The following MEIOB variants were observed in gnomAD, a reference collection of about 807,000 sequenced individuals.
The protein encoded by MEIOB is meiosis-specific with OB domain-containing protein.
A neutral mutation model predicts 53.1 loss-of-function variants in MEIOB; 50 were observed. The observed-to-expected ratio is 0.94, with a 90% CI of 0.75 to 1.19. The LOEUF (loss-of-function observed/expected upper bound fraction) is 1.19. Among genes scored for constraint, MEIOB ranks in the 50% most tolerant of loss-of-function variants. The pLI, the probability that MEIOB is intolerant of heterozygous loss-of-function variation, is 0.00. For missense variants in MEIOB, 551 were observed against 550.8 expected (o/e 1.00, Z 0.00); for synonymous variants, 192 against 182.5 (o/e 1.05, Z -0.42).
At chr16:1,860,014 C>G (rs7202283) in intron 5 of MEIOB, among the ~76,000 whole-genome samples, 18,207 of 152,244 alleles carry the variant, frequency 0.12, 1,136 homozygotes, top group East Asian at 0.16. Flanking sequence ...CCAACCACTC[C>G]CACAAGAGTC....
At chr16:1,858,629 A>T (rs975236505) in intron 5 of MEIOB, among the ~76,000 whole-genome samples, 2 of 152,146 alleles carry the variant, frequency 1.3e-5, no homozygotes, top group African/African-American at 4.8e-5. Flanking sequence ...CAGCTCAAAG[A>T]CCATCATTGT....
At chr16:1,865,884 T>C (rs1338685067) in intron 2 of MEIOB, 49 bp from the exon 3 acceptor site, 1 of 1,300,256 alleles carries the variant, frequency 7.7e-7, no homozygotes. Context: ...ACAGATGTAC[T>C]TGATAAATTT....
In MEIOB at chr16:1,868,180, T is replaced by C. The variant is rs1899642212; in HGVS notation, c.-5A>G. ...CGCTGCAAAGGAGTTTGCCATTTTT[T>C]TAATCTGCATTTTAGAAAATATAAT... On this transcript the variant is annotated 5_prime_UTR_variant, in exon 2 of 14. Transcript: ENST00000325962. The C allele has an allele frequency of 6.7e-7, 1 of 1,484,180 alleles. No homozygotes were observed. The highest frequency in any genetic ancestry group is 9.2e-7 in the Non-Finnish European group (1 of 1,091,576). The allele number at this position is 1,484,180 out of a possible 1,614,324, so 91.9% of individuals were successfully genotyped here.
intron 3 of MEIOB, among the ~76,000 whole-genome samples, chr16:1,863,371 T>TTA (rs1899501620): frequency 6.6e-6 from 1 of 151,372 alleles, no homozygotes; most frequent in African/African-American, 2.4e-5. Context: ...GTTTTTTTTT[T>TTA]AGTAAAAACG....
rs187202984 is a variant in MEIOB at position 1,868,529 on chromosome 16, A to G, written c.-9-345T>C. 3.0e-5 allele frequency among the ~76,000 whole-genome samples: 3 copies of G among 101,664 alleles called. No homozygotes were observed. In the East Asian group the frequency reaches 8.5e-4, roughly 29 times the overall value. The allele number at this position is 101,664 out of a possible 152,430, so 66.7% of individuals were successfully genotyped here. ...GGCAACAGAGCGAGACTCTGTCTCA[A>G]AAATAAATAAAACAAAATAAAATAA... On this transcript the variant is annotated intron_variant, in intron 1 of 13. Transcript: ENST00000325962.
chr16:1,865,972 G>C (rs1899584382), intron 2 of MEIOB, 137 bp from the exon 3 acceptor site: 1 of 598,570 alleles, frequency 1.7e-6, no homozygotes, highest in African/African-American at 1.9e-5. Flanking sequence ...ATTTATTCCA[G>C]GCAAACATCT....
In MEIOB at chr16:1,839,261, G is replaced by A; in HGVS notation, c.1212C>T (p.Gly404=). ...LTGSVAEETL[G]CTVHEFLAMT... Reference sequence around the variant, plus strand: ...CTTCCTTTTTGCTATTTACCGTGCAGCCCAAAGTCTCCTCAGCAACACTTC... The same window carrying A: ...CTTCCTTTTTGCTATTTACCGTGCAACCCAAAGTCTCCTCAGCAACACTTC... Residue 404 remains glycine (G), a synonymous_variant, in exon 12 of 14, where the codon GGC becomes GGT. Coordinates refer to ENST00000325962, the MANE Select transcript of MEIOB (RefSeq NM_001163560.3). The A allele has an allele frequency of 6.2e-7, 1 of 1,605,118 alleles. No homozygotes were observed.
intron 2 of MEIOB, among the ~76,000 whole-genome samples, chr16:1,866,207 A>T (rs1899589365): frequency 6.6e-6 from 1 of 152,212 alleles, no homozygotes; most frequent in Non-Finnish European, 1.5e-5. Flanking sequence ...GCTTTCCTTT[A>T]TATAGGGTTT....
rs773793662 is a variant in MEIOB at position 1,844,916 on chromosome 16, C to A, written c.826G>T (p.Glu276Ter). ...ATTTCATCATCCAGAACATTCGTTT[C>A]TTTATTTTCTCGTATAAAATTCAGC... ...ILLNFIRENK[E>*]TNVLDDEIDS... The change falls in exon 10 of 14, where the codon GAA (glutamate) becomes TAA (stop). Residue 276 changes from glutamate (E) to a stop codon, truncating the protein, a stop_gained. Transcript: ENST00000325962. LOFTEE classifies it high-confidence loss of function. The A allele has an allele frequency of 1.2e-5, 19 of 1,554,002 alleles. No individual in the cohort carries two copies. The highest frequency in any genetic ancestry group is 4.1e-5 in the African/African-American group (3 of 73,528).
At chr16:1,869,592 C>T (rs1160610140) in intron 1 of MEIOB, among the ~76,000 whole-genome samples, 1 of 151,920 alleles carries the variant, frequency 6.6e-6, no homozygotes, top group Non-Finnish European at 1.5e-5. Context: ...GGATTACAGG[C>T]ACCTGCCACC....
intron 3 of MEIOB, among the ~76,000 whole-genome samples, 195 bp downstream of exon 3, chr16:1,865,583 A>G (rs1899573515): frequency 6.6e-6 from 1 of 151,914 alleles, no homozygotes; most frequent in African/African-American, 2.4e-5. Flanking sequence ...ACATATATAT[A>G]GAGAGAGAGA....
At chr16:1,859,145 G>A (rs1236159106) in intron 5 of MEIOB, among the ~76,000 whole-genome samples, 1 of 152,214 alleles carries the variant, frequency 6.6e-6, no homozygotes, top group Non-Finnish European at 1.5e-5. Context: ...CAGAGTAGAT[G>A]GGGAAGGTTG....
chr16:1,848,743 C>G (rs1306553179), intron 9 of MEIOB, among the ~76,000 whole-genome samples: 1 of 151,930 alleles, frequency 6.6e-6, no homozygotes, highest in Admixed American at 6.6e-5. Flanking sequence ...GATATTTCAC[C>G]ATGTTGACCG....
At position 1,849,055 on chromosome 16, in the gene MEIOB, C is replaced by T. The variant is rs1899094888; in HGVS notation, c.778+3984G>A. On this transcript the variant is annotated intron_variant, in intron 9 of 13. Coordinates refer to ENST00000325962, the MANE Select transcript of MEIOB (RefSeq NM_001163560.3). The stretch of plus-strand genomic sequence containing the variant: ...ATCCCAGCACTTTGGGAGGCCAAGA[C>T]CAGTGGATCACTTGAGCCCAGCAGT... Among the ~76,000 whole-genome samples the T allele has an allele frequency of 3.9e-5, 6 of 152,086 alleles. 1 individual carries two copies. In the South Asian group the frequency reaches 1.2e-3, roughly 32 times the overall value.
intron 7 of MEIOB, 109 bp downstream of exon 7, chr16:1,853,991 C>T: frequency 1.5e-6 from 1 of 685,846 alleles, no homozygotes; most frequent in South Asian, 1.8e-5. Flanking sequence ...CATTCATCTC[C>T]TATCATTATC....
chr16:1,850,980 C>T (rs553746651), intron 9 of MEIOB, among the ~76,000 whole-genome samples: 2 of 152,018 alleles, frequency 1.3e-5, no homozygotes, highest in Admixed American at 1.3e-4. Flanking sequence ...TACCTCCCTC[C>T]AGGAAAGAAA....
chr16:1,841,702 C>G (rs1898915050), intron 11 of MEIOB, 118 bp downstream of exon 11: 1 of 623,530 alleles, frequency 1.6e-6, no homozygotes, highest in East Asian at 3.2e-5. Context: ...ACATTTATCT[C>G]CAATACATAA....
Position 1,842,010 on chromosome 16 carries a change from T to A in MEIOB, c.881-37A>T, listed in dbSNP as rs773201200. On this transcript the variant is annotated intron_variant, in intron 10 of 13. Transcript: ENST00000325962. ...AAGAAGTATTACAGTTCTGTATATA[T>A]TCTAAAAAATATAAAAGGTTACATC... The A allele has an allele frequency of 2.2e-6, 3 of 1,356,074 alleles. No individual in the cohort carries two copies. The African/African-American group carries it at 4.5e-5, about 20-fold the overall frequency. The allele number at this position is 1,356,074 out of a possible 1,614,324, so 84.0% of individuals were successfully genotyped here. A position where few individuals can be genotyped will look rare whatever the true frequency, so the allele number is the denominator to read the frequency against.
At chr16:1,834,611 T>C (rs977639091) in intron 13 of MEIOB, among the ~76,000 whole-genome samples, 2 of 152,218 alleles carry the variant, frequency 1.3e-5, no homozygotes, top group African/African-American at 4.8e-5. Context: ...GCTATTTCTC[T>C]CAGGTAGGAA....
Sources: gnomAD v4.1 joint callset for allele counts (sites outside exome capture counted in the v4.1 genomes callset) on GRCh38, gnomAD v4.1.1 for gene constraint, MANE v1.5 for transcripts, NCBI Gene and HGNC (gene_info 2026-07-23, HGNC 2026-07-21) for gene names.